Variants in CCDC102B observed in about 807,000 individuals in gnomAD.
The protein encoded by CCDC102B is coiled-coil domain-containing protein 102B.
Under a neutral mutation model 57.4 loss-of-function variants are expected in CCDC102B, and 75 were observed. That is an observed-to-expected ratio of 1.31 (90% CI 1.08 to 1.58). The LOEUF (loss-of-function observed/expected upper bound fraction) is 1.58, where lower values mean the gene tolerates loss of function less well. Ranked by LOEUF, CCDC102B falls within the 40% of genes most tolerant of loss-of-function variation. The pLI, the probability that CCDC102B is intolerant of heterozygous loss-of-function variation, is 0.00. For missense variants in CCDC102B, 636 were observed against 582.6 expected, an observed-to-expected ratio of 1.09 and a Z score of -0.94; for synonymous variants, 206 against 201.9, an observed-to-expected ratio of 1.02 and a Z score of -0.17.
At chr18:68,762,080 T>C (rs1172988758) in intron 2 of CCDC102B, among the ~76,000 whole-genome samples, 1 of 152,152 alleles carries the variant, frequency 6.6e-6, no homozygotes, top group East Asian at 1.9e-4. Flanking sequence ...TTATTCAAAG[T>C]TTCCCTTTCC....
At position 68,847,589 on chromosome 18, in the gene CCDC102B, G is replaced by T. The variant is rs534361783; in HGVS notation, c.936+1168G>T. On this transcript the variant is annotated intron_variant, in intron 4 of 7. Coordinates refer to ENST00000360242, the MANE Select transcript of CCDC102B (RefSeq NM_024781.3). ...AAAAGCAATATGTGTATCTGAAAAG[G>T]TTTAATGTTTTATATTCAAATATGA... Among the ~76,000 whole-genome samples the T allele has an allele frequency of 9.2e-5, 14 of 151,832 alleles. 2 individuals carry two copies. In the South Asian group the frequency reaches 2.9e-3, roughly 32 times the overall value.
rs140414838 is a variant in CCDC102B at position 68,846,375 on chromosome 18, G to A, written c.890G>A (p.Trp297Ter). 2,281 of 1,590,146 alleles carry A rather than the reference G, an allele frequency of 1.4e-3. 8 individuals carry two copies. Among genetic ancestry groups the A allele is most frequent in the Non-Finnish European group, 1.7e-3 (1,939 of 1,169,768 alleles). The change falls in exon 4 of 8, where the codon TGG (tryptophan) becomes TAG (stop). Residue 297 changes from tryptophan (W) to a stop codon, truncating the protein, a stop_gained. Transcript: ENST00000360242. LOFTEE classifies it high-confidence loss of function. ...GAGTCGGCTTTGTCTCTGTGGAAGT[G>A]GAAGTATGAAGAACTGAAAGAATCA... ...RLESALSLWK[W>*]KYEELKESKP...
At chr18:68,975,389 A>C (rs1286030440) in intron 6 of CCDC102B, among the ~76,000 whole-genome samples, 1 of 152,052 alleles carries the variant, frequency 6.6e-6, no homozygotes. Context: ...TATATATGTG[A>C]ACTTTCATTC....
At chr18:68,905,569 A>G (rs2040597459) in intron 6 of CCDC102B, among the ~76,000 whole-genome samples, 1 of 81,948 alleles carries the variant, frequency 1.2e-5, no homozygotes, top group Non-Finnish European at 2.4e-5. Context: ...TAGTAGATTC[A>G]CAATGTTATG....
rs1599557320 is a variant in CCDC102B at position 68,846,424 on chromosome 18, A to AC, written c.936+3_936+4insC. 2 of 1,519,172 alleles carry AC rather than the reference A, an allele frequency of 1.3e-6. No individual in the cohort carries two copies. The highest frequency in any genetic ancestry group is 1.8e-6 in the Non-Finnish European group (2 of 1,117,340). 94.1% of individuals were successfully genotyped at this position (1,519,172 alleles called of 1,614,324 possible). A position where few individuals can be genotyped will look rare whatever the true frequency, so the allele number is the denominator to read the frequency against. On this transcript the variant is annotated splice_donor_region_variant and intron_variant, in intron 4 of 7. Coordinates refer to ENST00000360242, the MANE Select transcript of CCDC102B (RefSeq NM_024781.3). Reference sequence around the variant, plus strand: ...CAAAGCCAAAAAATGTGAAAGAGGTATGGGGGAATATGATGTAAAGGAAGA... The same window carrying AC: ...CAAAGCCAAAAAATGTGAAAGAGGTACTGGGGGAATATGATGTAAAGGAAGA...
chr18:68,876,319 T>C (rs1334985784), intron 5 of CCDC102B, among the ~76,000 whole-genome samples: 1 of 152,160 alleles, frequency 6.6e-6, no homozygotes, highest in East Asian at 1.9e-4. Context: ...AGGGGTACAG[T>C]ATTCACCAGA....
intron 1 of CCDC102B, among the ~76,000 whole-genome samples, chr18:68,834,807 T>C (rs2037296231): frequency 6.6e-6 from 1 of 151,926 alleles, no homozygotes; most frequent in African/African-American, 2.4e-5. Context: ...AAATATTATA[T>C]AGTCTTTTTT....
chr18:69,045,398 G>A (rs1381725737), intron 7 of CCDC102B, among the ~76,000 whole-genome samples: 1 of 151,582 alleles, frequency 6.6e-6, no homozygotes, highest in African/African-American at 2.4e-5. Context: ...TCAAAATTAT[G>A]GTTTTAAATG....
chr18:68,758,644 C>T (rs576739922), intron 2 of CCDC102B, among the ~76,000 whole-genome samples: 16 of 150,648 alleles, frequency 1.1e-4, no homozygotes, highest in African/African-American at 2.7e-4. Context: ...GAGGAGACTG[C>T]GATAAGCTCT....
chr18:68,896,444 G>A (rs1167344582), intron 5 of CCDC102B, among the ~76,000 whole-genome samples: 1 of 151,746 alleles, frequency 6.6e-6, no homozygotes, highest in Non-Finnish European at 1.5e-5. Context: ...ATGGGAAGAG[G>A]GCAGAGGTTG....
At chr18:69,013,394 T>C (rs1180309348) in intron 7 of CCDC102B, among the ~76,000 whole-genome samples, 1 of 152,052 alleles carries the variant, frequency 6.6e-6, no homozygotes, top group Non-Finnish European at 1.5e-5. Flanking sequence ...GGAAGGAGGG[T>C]AAATGATAAG....
At chr18:68,854,622 T>C (rs2038300619) in intron 4 of CCDC102B, among the ~76,000 whole-genome samples, 2 of 152,162 alleles carry the variant, frequency 1.3e-5, no homozygotes, top group African/African-American at 4.8e-5. Flanking sequence ...AATACATGCC[T>C]CTTTGCTTAT....
chr18:68,834,432 C>CAT (rs67872866), intron 1 of CCDC102B, among the ~76,000 whole-genome samples: 53,227 of 137,542 alleles, frequency 0.39, 10,127 homozygotes, highest in South Asian at 0.47. Context: ...TATGTAAATA[C>CAT]ATATATATAT....
intron 7 of CCDC102B, among the ~76,000 whole-genome samples, chr18:69,036,098 C>A (rs938177093): frequency 5.3e-5 from 8 of 152,040 alleles, no homozygotes; most frequent in African/African-American, 1.7e-4. Flanking sequence ...TTATCAACTG[C>A]TTCCATTGGG....
rs1250813206 is a variant in CCDC102B at position 69,054,243 on chromosome 18, G to GA, written c.*113dup. On this transcript the variant is annotated 3_prime_UTR_variant, in exon 8 of 8. Transcript: ENST00000360242. ...GTTTTTATTAACTAGAAATATTAAT[G>GA]AAAAAAACGTAGACAATACACAAAT... 7.3e-6 allele frequency: 10 copies of GA among 1,374,886 alleles called. No individual in the cohort carries two copies. Among genetic ancestry groups the GA allele is most frequent in the South Asian group, 3.6e-5 (2 of 55,494 alleles). 85.2% of individuals were successfully genotyped at this position (1,374,886 alleles called of 1,614,324 possible). A position where few individuals can be genotyped will look rare whatever the true frequency, so the allele number is the denominator to read the frequency against.
intron 6 of CCDC102B, among the ~76,000 whole-genome samples, chr18:68,981,920 T>G (rs2050594743): frequency 6.6e-6 from 1 of 151,998 alleles, no homozygotes. Context: ...GGACATGAAC[T>G]CATCCTTTTT....
rs1050665888 is a variant in CCDC102B at position 69,049,681 on chromosome 18, C to A, written c.1435-4349C>A. 8.5e-5 allele frequency among the ~76,000 whole-genome samples: 13 copies of A among 152,238 alleles called. No homozygotes were observed. In the South Asian group the frequency reaches 2.3e-3, roughly 27 times the overall value. On this transcript the variant is annotated intron_variant, in intron 7 of 7. Coordinates refer to ENST00000360242, the MANE Select transcript of CCDC102B (RefSeq NM_024781.3). Reference sequence around the variant, plus strand: ...CTTCTTAAAATATTTTAATGGTTAACCTAGAAAAACACAATTAATAGTACT... The same window carrying A: ...CTTCTTAAAATATTTTAATGGTTAAACTAGAAAAACACAATTAATAGTACT...
chr18:69,005,661 A>G (rs902956464), intron 6 of CCDC102B, among the ~76,000 whole-genome samples: 4 of 151,714 alleles, frequency 2.6e-5, no homozygotes, highest in Non-Finnish European at 4.4e-5. Flanking sequence ...TTAATTCTAG[A>G]TAGAGAGCAA....
At chr18:68,980,515 A>G (rs2050552064) in intron 6 of CCDC102B, among the ~76,000 whole-genome samples, 1 of 152,016 alleles carries the variant, frequency 6.6e-6, no homozygotes. Context: ...TCCCTAAGAA[A>G]GATTAATTTT....
Sources: allele counts gnomAD v4.1 joint callset (sites outside exome capture counted in the v4.1 genomes callset), GRCh38; gene constraint gnomAD v4.1.1; transcripts MANE v1.5; gene names NCBI Gene and HGNC (gene_info 2026-07-23, HGNC 2026-07-21).